DMRT1: variants seen among roughly 807,000 people sequenced by gnomAD.
The protein encoded by DMRT1 is doublesex and mab-3 related transcription factor 1.
Under a neutral mutation model 32.3 loss-of-function variants are expected in DMRT1, and 7 were observed. The ratio of observed to expected loss-of-function variants is 0.22; its 90% CI spans 0.12 to 0.41. DMRT1 has a LOEUF of 0.41. DMRT1 is among the 10% of genes least tolerant of loss of function. The pLI is 1.00. For missense variants in DMRT1, 625 were observed against 500.5 expected (o/e 1.25, Z -2.37); for synonymous variants, 278 against 206.1 (o/e 1.35, Z -2.99).
At chr9:857,259 A>T (rs1351311361) in intron 2 of DMRT1, among the ~76,000 whole-genome samples, 1 of 152,122 alleles carries the variant, frequency 6.6e-6, no homozygotes, top group African/African-American at 2.4e-5. Flanking sequence ...GGGAGCTGAG[A>T]TTGCTCCACT....
At chr9:876,742 G>C (rs1042334848) in intron 2 of DMRT1, among the ~76,000 whole-genome samples, 13 of 152,084 alleles carry the variant, frequency 8.5e-5, no homozygotes, top group African/African-American at 3.1e-4. Flanking sequence ...TGTTGCTCAG[G>C]TTGGTCTGGA....
chr9:859,972 G>T (rs973975450), intron 2 of DMRT1, among the ~76,000 whole-genome samples: 2 of 152,172 alleles, frequency 1.3e-5, no homozygotes, highest in African/African-American at 4.8e-5. Flanking sequence ...TTAACTACCC[G>T]TTAACTCTAG....
intron 4 of DMRT1, among the ~76,000 whole-genome samples, chr9:921,978 T>C (rs1818368553): frequency 6.6e-6 from 1 of 152,136 alleles, no homozygotes; most frequent in Non-Finnish European, 1.5e-5. Flanking sequence ...CTTTCCAGGC[T>C]CAGGTAATCC....
At chr9:936,319 C>T (rs1434169259) in intron 4 of DMRT1, among the ~76,000 whole-genome samples, 1 of 152,096 alleles carries the variant, frequency 6.6e-6, no homozygotes, top group Non-Finnish European at 1.5e-5. Flanking sequence ...ATTGTAGTAG[C>T]TCTATGGTTA....
chr9:943,444 T>A (rs961121488), intron 4 of DMRT1, among the ~76,000 whole-genome samples: 2 of 152,158 alleles, frequency 1.3e-5, no homozygotes, highest in Non-Finnish European at 2.9e-5. Flanking sequence ...GGCTGGAGAA[T>A]GAGAGTTGGC....
intron 4 of DMRT1, among the ~76,000 whole-genome samples, chr9:926,745 G>A (rs1818538811): frequency 6.6e-6 from 1 of 151,960 alleles, no homozygotes; most frequent in Non-Finnish European, 1.5e-5. Context: ...GTTTAGGAAT[G>A]CCTAAATGCT....
At chr9:896,605 G>A (rs1365917758) in intron 3 of DMRT1, among the ~76,000 whole-genome samples, 1 of 152,056 alleles carries the variant, frequency 6.6e-6, no homozygotes, top group Non-Finnish European at 1.5e-5. Flanking sequence ...ACGAGGTCAG[G>A]AGTTCAAGAC....
At chr9:890,936 G>C (rs1817124291) in intron 2 of DMRT1, among the ~76,000 whole-genome samples, 2 of 151,482 alleles carry the variant, frequency 1.3e-5, no homozygotes, top group Admixed American at 6.6e-5. Context: ...CACCATGTTG[G>C]TCAGGCTGGT....
intron 2 of DMRT1, among the ~76,000 whole-genome samples, chr9:877,061 A>C (rs1816533659): frequency 7.0e-6 from 1 of 143,606 alleles, no homozygotes; most frequent in African/African-American, 2.7e-5. Context: ...TGGGTGTAGA[A>C]ACAAGGGATG....
intron 2 of DMRT1, among the ~76,000 whole-genome samples, chr9:876,768 C>T (rs1011171765): frequency 2.0e-5 from 3 of 152,154 alleles, no homozygotes; most frequent in African/African-American, 4.8e-5. Context: ...TGACCTCAAG[C>T]AATCCTCCCG....
At chr9:964,507 T>C (rs1400043385) in intron 4 of DMRT1, among the ~76,000 whole-genome samples, 3 of 152,210 alleles carry the variant, frequency 2.0e-5, no homozygotes, top group Admixed American at 6.5e-5. Flanking sequence ...TTTCCTTTTT[T>C]CTTTTCCTTA....
chr9:870,348 G>A lies in DMRT1; in HGVS notation c.538+23205G>A, dbSNP rs530525377. 4.5e-4 allele frequency among the ~76,000 whole-genome samples: 68 copies of A among 152,232 alleles called. No individual in the cohort carries two copies. The South Asian group carries it at 6.0e-3, about 13-fold the overall frequency. The stretch of plus-strand genomic sequence containing the variant: ...TGGGAGGCGGAGGTTGCAGTGAGCC[G>A]AGATCATGCCGCTGCACTCCAGCTT... On this transcript the variant is annotated intron_variant, in intron 2 of 4. Transcript: ENST00000382276.
intron 4 of DMRT1, among the ~76,000 whole-genome samples, chr9:944,222 C>T (rs1197819688): frequency 6.6e-6 from 1 of 152,168 alleles, no homozygotes; most frequent in African/African-American, 2.4e-5. Context: ...TAGTTACTAC[C>T]TTTATTGGTT....
At chr9:957,503 C>G (rs934166957) in intron 4 of DMRT1, among the ~76,000 whole-genome samples, 2 of 152,188 alleles carry the variant, frequency 1.3e-5, no homozygotes, top group Admixed American at 6.5e-5. Flanking sequence ...TGAACCATTC[C>G]TAAACAGTGT....
intron 2 of DMRT1, among the ~76,000 whole-genome samples, chr9:872,142 A>T (rs1589480197): frequency 6.6e-6 from 1 of 150,938 alleles, no homozygotes. Flanking sequence ...GCTCACTGCA[A>T]CCTCTGCCTC....
In DMRT1 at chr9:887,593, C is replaced by T. The variant is rs138191634; in HGVS notation, c.539-6319C>T. On this transcript the variant is annotated intron_variant, in intron 2 of 4. Coordinates refer to ENST00000382276, the MANE Select transcript of DMRT1 (RefSeq NM_021951.3). Reference sequence around the variant, plus strand: ...GCTCATCTGGTCACTGTGGCTGGAGCGCGTCTTGTCCTTTCTCTCCTTTGG... The same window carrying T: ...GCTCATCTGGTCACTGTGGCTGGAGTGCGTCTTGTCCTTTCTCTCCTTTGG... Among the ~76,000 whole-genome samples the T allele has an allele frequency of 8.5e-3, 1,294 of 152,234 alleles. 8 individuals are homozygous for T. The highest frequency in any genetic ancestry group is 0.014 in the South Asian group (66 of 4,804).
rs1402420353 is a variant in DMRT1, at chr9:847,060, A to G, written c.455A>G (p.Asn152Ser). 2 of 1,613,892 alleles carry G rather than the reference A, an allele frequency of 1.2e-6. No homozygotes were observed. The highest frequency in any genetic ancestry group is 1.7e-5 in the Admixed American group (1 of 59,984). Reference protein sequence around the residue: ...AAELLVKRENNGSNPCLMTEC... With the variant: ...AAELLVKRENSGSNPCLMTEC... Reference sequence around the variant, plus strand: ...GAGCTGCTTGTCAAAAGAGAGAACAATGGCAGTAACCCGTGCCTCATGACT... The same window carrying G: ...GAGCTGCTTGTCAAAAGAGAGAACAGTGGCAGTAACCCGTGCCTCATGACT... The change falls in exon 2 of 5, where the codon AAT (asparagine) becomes AGT (serine). Residue 152 changes from asparagine (N) to serine (S), a missense_variant. Physicochemically the swap from Asn to Ser is conservative, Grantham distance 46. Transcript: ENST00000382276.
chr9:854,565 C>T (rs1174998216), intron 2 of DMRT1, among the ~76,000 whole-genome samples: 4 of 152,032 alleles, frequency 2.6e-5, no homozygotes, highest in Non-Finnish European at 2.9e-5. Flanking sequence ...GCAATAAAAG[C>T]GTTTTATACA....
At chr9:945,794 A>G (rs1475732988) in intron 4 of DMRT1, among the ~76,000 whole-genome samples, 1 of 143,554 alleles carries the variant, frequency 7.0e-6, no homozygotes, top group East Asian at 2.0e-4. Flanking sequence ...GTTATGGCCT[A>G]CTTTTCCCTC....
Sources: gnomAD v4.1 joint callset for allele counts (sites outside exome capture counted in the v4.1 genomes callset) on GRCh38, gnomAD v4.1.1 for gene constraint, MANE v1.5 for transcripts, NCBI Gene and HGNC (gene_info 2026-07-23, HGNC 2026-07-21) for gene names.